The following ODAD2 variants were observed in gnomAD, a reference collection of about 807,000 sequenced individuals.
The protein encoded by ODAD2 is outer dynein arm docking complex subunit 2.
In ODAD2, 89 loss-of-function variants were observed where a neutral mutation model predicts 106.8. That is an observed-to-expected ratio of 0.83 (90% CI 0.70 to 0.99). The LOEUF is 0.99. Ranked by LOEUF, ODAD2 falls within the 50% of genes least tolerant of loss-of-function variation. The probability of loss-of-function intolerance (pLI) is 0.00; values close to 1 mark genes in which losing one functional copy is unlikely to be tolerated. For missense variants in ODAD2, 1,168 were observed against 1,238.5 expected, an observed-to-expected ratio of 0.94 and a Z score of 0.85; for synonymous variants, 404 against 436.2, an observed-to-expected ratio of 0.93 and a Z score of 0.92.
intron 14 of ODAD2, among the ~76,000 whole-genome samples, chr10:27,937,319 T>C (rs369370915): frequency 1.3e-5 from 2 of 151,094 alleles, no homozygotes; most frequent in East Asian, 3.9e-4. Flanking sequence ...ATATTTTCTT[T>C]TTTTCTTTCT....
chr10:27,948,779 ATTTT>A (rs11451204), intron 10 of ODAD2, among the ~76,000 whole-genome samples: 8 of 40,320 alleles, frequency 2.0e-4, no homozygotes, highest in African/African-American at 5.1e-4. Context: ...TGGCCTTTGG[ATTTT>A]TTTTTTTTTT....
intron 10 of ODAD2, among the ~76,000 whole-genome samples, chr10:27,953,166 A>T (rs1176895897): frequency 2.0e-5 from 3 of 152,180 alleles, no homozygotes; most frequent in African/African-American, 7.2e-5. Context: ...TTGTGGTAAG[A>T]ACACTTAATC....
intron 17 of ODAD2, among the ~76,000 whole-genome samples, chr10:27,883,240 G>T (rs1474675890): frequency 6.6e-6 from 1 of 152,018 alleles, no homozygotes; most frequent in Non-Finnish European, 1.5e-5. Context: ...AGACTTAAGA[G>T]TGCAAGGCAT....
chr10:27,969,386 C>T (rs528614137), intron 8 of ODAD2, among the ~76,000 whole-genome samples: 2 of 152,404 alleles, frequency 1.3e-5, no homozygotes, highest in African/African-American at 4.8e-5. Flanking sequence ...ACCTGGTTTT[C>T]CAGGTATTCG....
At chr10:27,925,939 A>G (rs191919633) in intron 16 of ODAD2, among the ~76,000 whole-genome samples, 9 of 150,376 alleles carry the variant, frequency 6.0e-5, no homozygotes, top group Non-Finnish European at 8.9e-5. Flanking sequence ...CCGGGATGCA[A>G]GGGTTGCAGT....
intron 19 of ODAD2, among the ~76,000 whole-genome samples, chr10:27,834,575 C>T (rs1028432745): frequency 5.3e-5 from 8 of 151,874 alleles, no homozygotes; most frequent in Non-Finnish European, 1.0e-4. Flanking sequence ...GACTGTGCTA[C>T]GAGGAAGGAT....
chr10:27,927,117 A>T (rs1845309992), intron 16 of ODAD2, among the ~76,000 whole-genome samples: 1 of 152,166 alleles, frequency 6.6e-6, no homozygotes, highest in South Asian at 2.1e-4. Flanking sequence ...AGTTTTACAA[A>T]ATCATTGGTT....
chr10:27,883,437 T>C (rs1050301087), intron 17 of ODAD2, among the ~76,000 whole-genome samples: 1 of 152,138 alleles, frequency 6.6e-6, no homozygotes, highest in African/African-American at 2.4e-5. Flanking sequence ...GTCTGACTTC[T>C]AGGATTTTCA....
chr10:27,967,552 A>G lies in ODAD2; in HGVS notation c.1238+1371T>C, dbSNP rs532427601. On this transcript the variant is annotated intron_variant, in intron 9 of 19. Coordinates refer to ENST00000305242, the MANE Select transcript of ODAD2 (RefSeq NM_018076.5). ...TTCCTCACCAGCCTGGAGAAGCAACACATACCTCATCCTGCCAATATGGTG... is the reference window on the plus strand; with the variant it reads ...TTCCTCACCAGCCTGGAGAAGCAACGCATACCTCATCCTGCCAATATGGTG... Among the ~76,000 whole-genome samples the G allele has an allele frequency of 9.2e-5, 14 of 151,910 alleles. 1 individual carries two copies. The East Asian group carries it at 2.5e-3, about 27-fold the overall frequency.
At chr10:27,933,054 A>T (rs1370643622) in intron 16 of ODAD2, among the ~76,000 whole-genome samples, 1 of 152,132 alleles carries the variant, frequency 6.6e-6, no homozygotes, top group Non-Finnish European at 1.5e-5. Context: ...CAAGGAGTTC[A>T]AGACTAACTT....
At position 27,970,021 on chromosome 10, in the gene ODAD2, G is replaced by A. The variant is rs540470940; in HGVS notation, c.1143-1003C>T. Among the ~76,000 whole-genome samples the A allele has an allele frequency of 3.9e-5, 6 of 152,028 alleles. No homozygotes were observed. The East Asian group carries it at 9.7e-4, about 25-fold the overall frequency. On this transcript the variant is annotated intron_variant, in intron 8 of 19. Transcript: ENST00000305242. ...CTCGGGAGGCTGAAGCAAGAGAATCGCTTGAACCTGGGAGGCAGAGGTTGC... is the reference window on the plus strand; with the variant it reads ...CTCGGGAGGCTGAAGCAAGAGAATCACTTGAACCTGGGAGGCAGAGGTTGC...
chr10:27,882,447 G>C (rs1414454701), intron 17 of ODAD2, among the ~76,000 whole-genome samples: 1 of 152,146 alleles, frequency 6.6e-6, no homozygotes, highest in Non-Finnish European at 1.5e-5. Flanking sequence ...AGAATAAACA[G>C]AGGGGAAGCA....
chr10:27,847,258 G>C (rs927854904), intron 19 of ODAD2, among the ~76,000 whole-genome samples: 1 of 152,152 alleles, frequency 6.6e-6, no homozygotes, highest in African/African-American at 2.4e-5. Flanking sequence ...GGGATGCAAG[G>C]CTTGTTCAAC....
intron 17 of ODAD2, among the ~76,000 whole-genome samples, chr10:27,863,144 A>G (rs1840177950): frequency 6.6e-6 from 1 of 152,154 alleles, no homozygotes; most frequent in Non-Finnish European, 1.5e-5. Context: ...ATTCATTCAT[A>G]TTGAACTCAT....
At chr10:27,978,271 C>G (rs1463948800) in intron 7 of ODAD2, among the ~76,000 whole-genome samples, 1 of 152,050 alleles carries the variant, frequency 6.6e-6, no homozygotes, top group Non-Finnish European at 1.5e-5. Context: ...TATAGAACAC[C>G]AAGGAAGATC....
At chr10:27,864,794 A>G (rs1468049275) in intron 17 of ODAD2, among the ~76,000 whole-genome samples, 1 of 152,144 alleles carries the variant, frequency 6.6e-6, no homozygotes. Context: ...TTCTCAAATA[A>G]TAATAATTCA....
intron 10 of ODAD2, among the ~76,000 whole-genome samples, chr10:27,946,732 A>G (rs897272561): frequency 1.3e-5 from 2 of 152,166 alleles, no homozygotes; most frequent in African/African-American, 4.8e-5. Flanking sequence ...ATTACATACA[A>G]GCTTCCCACA....
chr10:27,866,825 C>A (rs1269101917), intron 17 of ODAD2, among the ~76,000 whole-genome samples: 1 of 152,058 alleles, frequency 6.6e-6, no homozygotes, highest in Non-Finnish European at 1.5e-5. Flanking sequence ...AGGGATCAGC[C>A]CCCATGACCC....
intron 17 of ODAD2, among the ~76,000 whole-genome samples, chr10:27,883,846 G>A (rs1392213462): frequency 1.3e-5 from 2 of 151,968 alleles, no homozygotes; most frequent in Non-Finnish European, 2.9e-5. Flanking sequence ...CAGTGAGCAT[G>A]ATAGATGGGT....
Sources: allele counts gnomAD v4.1 joint callset (sites outside exome capture counted in the v4.1 genomes callset), GRCh38; gene constraint gnomAD v4.1.1; transcripts MANE v1.5; gene names NCBI Gene and HGNC (gene_info 2026-07-23, HGNC 2026-07-21).